USP25: variants seen among roughly 807,000 people sequenced by gnomAD.
The protein encoded by USP25 is ubiquitin specific peptidase 25.
In USP25, 85 loss-of-function variants were observed where a neutral mutation model predicts 158.5. That is an observed-to-expected ratio of 0.54 (90% CI 0.45 to 0.64). The LOEUF (loss-of-function observed/expected upper bound fraction) is 0.64, where lower values mean the gene tolerates loss of function less well. Ranked by LOEUF, USP25 falls within the 30% of genes least tolerant of loss-of-function variation. The pLI is 0.00. For missense variants in USP25, 1,242 were observed against 1,327.3 expected (o/e 0.94, Z 1.00); for synonymous variants, 464 against 460.4 (o/e 1.01, Z -0.10).
chr21:15,791,771 T>C (rs944298408), intron 5 of USP25, 107 bp downstream of exon 5: 3 of 1,172,780 alleles, frequency 2.6e-6, no homozygotes, highest in Non-Finnish European at 3.5e-6. Context: ...CAGATAAGTT[T>C]TTAATATACT....
At chr21:15,749,339 A>G (rs776441358) in intron 1 of USP25, among the ~76,000 whole-genome samples, 11 of 152,104 alleles carry the variant, frequency 7.2e-5, no homozygotes, top group Non-Finnish European at 1.6e-4. Flanking sequence ...TATTGCTAGT[A>G]TGTGTTTCTG....
chr21:15,818,600 G>T (rs2146327368), intron 9 of USP25, 98 bp from the exon 10 acceptor site: 1 of 1,050,254 alleles, frequency 9.5e-7, no homozygotes, highest in East Asian at 2.5e-5. Context: ...ATCAGTCAGT[G>T]TTACAATTTT....
At chr21:15,868,887 C>G (rs1813803533) in intron 22 of USP25, among the ~76,000 whole-genome samples, 1 of 152,150 alleles carries the variant, frequency 6.6e-6, no homozygotes, top group Non-Finnish European at 1.5e-5. Context: ...TTCATACTTG[C>G]AGGACAAATT....
rs1346656840 is a variant in USP25, at chr21:15,827,087, G to A, written c.1577G>A (p.Arg526Gln). Residue 526 changes from arginine to glutamine, a missense_variant, in exon 14 of 26, where the codon CGG becomes CAG. Around this residue, in one of 3 missense-constraint regions of USP25, gnomAD observed 627 missense variants for 701.4 expected, o/e 0.89. Transcript: ENST00000400183. ...SVIHKPFTQS[R>Q]IPPDLPMHPA... ...ATACACAAACCATTTACTCAGTCCC[G>A]GATACCTCCAGATTTGCCCATGCAT... 7 of 1,613,910 alleles carry A rather than the reference G, an allele frequency of 4.3e-6. No individual in the cohort carries two copies. Among genetic ancestry groups the A allele is most frequent in the African/African-American group, 2.7e-5 (2 of 74,870 alleles).
In USP25 at chr21:15,730,976, G is replaced by GTTTTTTTTT. The variant is rs748732727; in HGVS notation, c.45+555_45+563dup. Among the ~76,000 whole-genome samples, 65 of 53,648 alleles carry GTTTTTTTTT rather than the reference G, an allele frequency of 1.2e-3. 9 individuals carry two copies. The highest frequency in any genetic ancestry group is 4.1e-3 in the African/African-American group (60 of 14,572). The allele number at this position is 53,648 out of a possible 152,430, so 35.2% of individuals were successfully genotyped here. On this transcript the variant is annotated intron_variant, in intron 1 of 25. Coordinates refer to ENST00000400183, the MANE Select transcript of USP25 (RefSeq NM_001283041.3). Reference sequence around the variant, plus strand: ...TTTCCCTTTCTTCTTCTTCTTTTCTGTTTTTTTTTTTTTTTTTTTTTTTTT... The same window carrying GTTTTTTTTT: ...TTTCCCTTTCTTCTTCTTCTTTTCTGTTTTTTTTTTTTTTTTTTTTTTTTTTTTTTTTTT...
At chr21:15,773,905 G>A (rs1006219433) in intron 3 of USP25, among the ~76,000 whole-genome samples, 3 of 152,154 alleles carry the variant, frequency 2.0e-5, no homozygotes, top group African/African-American at 7.2e-5. Context: ...TTGAATGTCT[G>A]CCATATTAGA....
chr21:15,842,678 T>C, intron 18 of USP25, 138 bp downstream of exon 18: 1 of 1,030,796 alleles, frequency 9.7e-7, no homozygotes, highest in Non-Finnish European at 1.4e-6. Context: ...TCAGTGACCA[T>C]GGGCAAGTCA....
chr21:15,834,826 A>G (rs1049625263), intron 17 of USP25, among the ~76,000 whole-genome samples: 1 of 152,218 alleles, frequency 6.6e-6, no homozygotes, highest in African/African-American at 2.4e-5. Flanking sequence ...GAACTCTACC[A>G]TTATGTAGGG....
intron 14 of USP25, 58 bp from the exon 15 acceptor site, chr21:15,830,473 A>G: frequency 3.4e-6 from 5 of 1,459,060 alleles, no homozygotes; most frequent in Non-Finnish European, 4.7e-6. Context: ...ATTAGTCCTT[A>G]TCTTATAAGT....
In USP25 at chr21:15,878,643, A is replaced by C; in HGVS notation, c.*168A>C. 1 of 593,690 alleles carries C rather than the reference A, an allele frequency of 1.7e-6. No individual in the cohort carries two copies. The highest frequency in any genetic ancestry group is 3.2e-4 in the Middle Eastern group (1 of 3,112). 36.8% of individuals were successfully genotyped at this position (593,690 alleles called of 1,614,324 possible). A position where few individuals can be genotyped will look rare whatever the true frequency, so the allele number is the denominator to read the frequency against. On this transcript the variant is annotated 3_prime_UTR_variant, in exon 26 of 26. Transcript: ENST00000400183. ...GACTTTAGTCAGACTGCAGACAATA[A>C]AGCTGAAAATCGCATGGCGCTCAGA...
chr21:15,878,193 A>G, intron 25 of USP25, 110 bp from the exon 26 acceptor site: 2 of 1,416,280 alleles, frequency 1.4e-6, no homozygotes, highest in Non-Finnish European at 1.9e-6. Flanking sequence ...TGTCTCCCCA[A>G]AATGGCAATT....
intron 5 of USP25, among the ~76,000 whole-genome samples, chr21:15,798,713 AT>A (rs886858876): frequency 1.3e-5 from 2 of 150,666 alleles, no homozygotes; most frequent in African/African-American, 2.4e-5. Flanking sequence ...ACAAGATAAA[AT>A]TTTTTTTTAC....
At chr21:15,788,380 G>A (rs947997695) in intron 4 of USP25, among the ~76,000 whole-genome samples, 32 of 151,994 alleles carry the variant, frequency 2.1e-4, no homozygotes, top group African/African-American at 6.8e-4. Context: ...CTAGAGATTG[G>A]CTTTTGCAAT....
chr21:15,810,213 C>T (rs956683334), intron 8 of USP25, among the ~76,000 whole-genome samples: 1 of 151,956 alleles, frequency 6.6e-6, no homozygotes, highest in Non-Finnish European at 1.5e-5. Flanking sequence ...TTTTCAGTAG[C>T]ATTAAAGACT....
intron 20 of USP25, among the ~76,000 whole-genome samples, chr21:15,855,204 G>A (rs527982710): frequency 2.6e-4 from 39 of 151,732 alleles, no homozygotes; most frequent in Admixed American, 4.6e-4. Flanking sequence ...GTACCCTTAG[G>A]GTTTTATTGA....
At chr21:15,866,447 A>T (rs2039664635) in intron 22 of USP25, 103 bp downstream of exon 22, 1 of 762,130 alleles carries the variant, frequency 1.3e-6, no homozygotes, top group Non-Finnish European at 1.9e-6. Context: ...GTTATGAATG[A>T]TGAGTAAAAA....
chr21:15,824,519 T>TGTCTCTCTGTC (rs2037394614), intron 11 of USP25, among the ~76,000 whole-genome samples: 1 of 152,178 alleles, frequency 6.6e-6, no homozygotes, highest in African/African-American at 2.4e-5. Flanking sequence ...TCTGTCTTTC[T>TGTCTCTCTGTC]TTCTGTCTCT....
intron 20 of USP25, among the ~76,000 whole-genome samples, chr21:15,857,167 A>G (rs1304198056): frequency 6.6e-6 from 1 of 152,240 alleles, no homozygotes; most frequent in Non-Finnish European, 1.5e-5. Flanking sequence ...ATGAGAAGTT[A>G]TCTTGAGAAT....
intron 17 of USP25, among the ~76,000 whole-genome samples, chr21:15,840,796 T>A (rs963155872): frequency 1.3e-5 from 2 of 152,194 alleles, no homozygotes; most frequent in African/African-American, 4.8e-5. Flanking sequence ...TCAGACCAGA[T>A]GGATTTATTG....
Sources: gnomAD v4.1 joint callset for allele counts (sites outside exome capture counted in the v4.1 genomes callset) on GRCh38, gnomAD v4.1.1 for gene constraint, gnomAD v4.1.1 regional missense constraint, MANE v1.5 for transcripts, NCBI Gene and HGNC (gene_info 2026-07-23, HGNC 2026-07-21) for gene names.